The following FMN1 variants were observed in gnomAD, a reference collection of about 807,000 sequenced individuals.
FMN1 encodes the protein formin-1.
In FMN1, 110 loss-of-function variants were observed where a neutral mutation model predicts 132.4. That is an observed-to-expected ratio of 0.83 (90% CI 0.71 to 0.97). The LOEUF is 0.97. FMN1 is among the 50% of genes least tolerant of loss of function. The pLI, the probability that FMN1 is intolerant of heterozygous loss-of-function variation, is 0.00. For missense variants in FMN1, 1,792 were observed against 1,705.3 expected (o/e 1.05, Z -0.90); for synonymous variants, 722 against 651.7 (o/e 1.11, Z -1.64).
intron 6 of FMN1, among the ~76,000 whole-genome samples, chr15:33,052,459 T>C (rs2037020887): frequency 1.3e-5 from 2 of 152,110 alleles, no homozygotes; most frequent in African/African-American, 4.8e-5. Flanking sequence ...AGGAAAACAG[T>C]TACTTCACCT....
chr15:32,888,952 A>C (rs973942181), intron 15 of FMN1, among the ~76,000 whole-genome samples: 29 of 149,192 alleles, frequency 1.9e-4, no homozygotes, highest in African/African-American at 7.2e-4. Flanking sequence ...TTGACCTTCC[A>C]GGTCCAAGCG....
intron 17 of FMN1, among the ~76,000 whole-genome samples, chr15:32,848,131 T>G (rs948418457): frequency 9.2e-5 from 14 of 151,980 alleles, no homozygotes; most frequent in African/African-American, 3.4e-4. Context: ...AAAAAAAATA[T>G]GAGGAACAGG....
chr15:33,128,468 C>T (rs1475994977), intron 4 of FMN1, among the ~76,000 whole-genome samples: 1 of 152,174 alleles, frequency 6.6e-6, no homozygotes, highest in East Asian at 1.9e-4. Context: ...ATTGCAAGGT[C>T]CATTTATAAA....
intron 7 of FMN1, among the ~76,000 whole-genome samples, chr15:33,007,635 AACATACAG>A (rs1415767503): frequency 1.3e-5 from 2 of 152,184 alleles, no homozygotes; most frequent in African/African-American, 4.8e-5. Flanking sequence ...TGTGCTAAGA[AACATACAG>A]ACATGAACAC....
intron 6 of FMN1, among the ~76,000 whole-genome samples, chr15:33,044,504 T>C (rs1584956): frequency 6.6e-6 from 1 of 152,046 alleles, no homozygotes; most frequent in African/African-American, 2.4e-5. Flanking sequence ...AGGACAACCA[T>C]CTGTGGAGAG....
intron 19 of FMN1, among the ~76,000 whole-genome samples, chr15:32,796,300 C>T (rs537385041): frequency 4.6e-5 from 7 of 152,266 alleles, no homozygotes; most frequent in African/African-American, 1.4e-4. Flanking sequence ...TTTGAAAATG[C>T]TAGTACTGAT....
chr15:33,126,118 G>C (rs750223726), intron 4 of FMN1, among the ~76,000 whole-genome samples: 9 of 152,156 alleles, frequency 5.9e-5, no homozygotes, highest in Admixed American at 2.6e-4. Context: ...TTTTGCAGCT[G>C]TGGCTGCCAC....
chr15:32,809,435 A>C (rs2057796147), intron 17 of FMN1, among the ~76,000 whole-genome samples: 1 of 152,078 alleles, frequency 6.6e-6, no homozygotes, highest in Non-Finnish European at 1.5e-5. Flanking sequence ...CCCTCTGAAG[A>C]CAAAGTGCAT....
At chr15:33,019,677 G>C (rs1419009124) in intron 6 of FMN1, among the ~76,000 whole-genome samples, 2 of 152,326 alleles carry the variant, frequency 1.3e-5, no homozygotes, top group African/African-American at 4.8e-5. Context: ...CAGTGGGCCA[G>C]CACTGCTGGG....
At chr15:33,095,911 T>C (rs2039067538) in intron 4 of FMN1, among the ~76,000 whole-genome samples, 1 of 151,160 alleles carries the variant, frequency 6.6e-6, no homozygotes, top group African/African-American at 2.4e-5. Flanking sequence ...ATGAAATATA[T>C]AATAAATGAT....
intron 4 of FMN1, among the ~76,000 whole-genome samples, chr15:33,112,925 C>T (rs1027249876): frequency 2.0e-5 from 3 of 152,128 alleles, no homozygotes; most frequent in Non-Finnish European, 4.4e-5. Context: ...CCTAGGCAGT[C>T]CTGGTGTACT....
At chr15:33,063,038 T>A (rs999317843) in intron 6 of FMN1, 9 of 152,210 alleles carry the variant, frequency 5.9e-5, no homozygotes, top group African/African-American at 1.9e-4. Context: ...CACCAGCATG[T>A]CTGTGCAGAT....
chr15:33,030,740 A>C (rs1278182218), intron 6 of FMN1, among the ~76,000 whole-genome samples: 1 of 152,214 alleles, frequency 6.6e-6, no homozygotes, highest in Non-Finnish European at 1.5e-5. Flanking sequence ...TGTAAAACAC[A>C]TCCTAATTTC....
At chr15:33,127,861 C>G (rs1349026378) in intron 4 of FMN1, among the ~76,000 whole-genome samples, 4 of 152,126 alleles carry the variant, frequency 2.6e-5, no homozygotes, top group African/African-American at 9.7e-5. Context: ...AGAAGTGAGA[C>G]AGTGCTGTTT....
intron 16 of FMN1, among the ~76,000 whole-genome samples, chr15:32,876,175 C>G (rs1457434788): frequency 6.6e-6 from 1 of 152,218 alleles, no homozygotes; most frequent in African/African-American, 2.4e-5. Flanking sequence ...GAATCCTGAT[C>G]AAAAGCACTT....
Position 33,159,175 on chromosome 15 carries a change from C to G in FMN1, c.-131-4130G>C, listed in dbSNP as rs558236375. ...CCAGCGTGGGTGAAAGAGTGAGACT[C>G]TGTCTCTAAATAAATAAGTAAAAAT... On this transcript the variant is annotated intron_variant, in intron 3 of 20. Coordinates refer to ENST00000616417, the MANE Select transcript of FMN1 (RefSeq NM_001277313.2). 7.3e-4 allele frequency among the ~76,000 whole-genome samples: 111 copies of G among 152,234 alleles called. 1 individual carries two copies. The highest frequency in any genetic ancestry group is 1.1e-3 in the Non-Finnish European group (77 of 68,018).
intron 7 of FMN1, among the ~76,000 whole-genome samples, chr15:32,999,025 C>T (rs2033939995): frequency 6.6e-6 from 1 of 152,164 alleles, no homozygotes. Context: ...AATCTAGTAA[C>T]CTCACAACAT....
intron 6 of FMN1, among the ~76,000 whole-genome samples, chr15:33,057,980 G>GT (rs2141211376): frequency 6.6e-6 from 1 of 152,294 alleles, no homozygotes; most frequent in African/African-American, 2.4e-5. Context: ...CAAGTGAAAA[G>GT]TATGATGGGG....
intron 5 of FMN1, among the ~76,000 whole-genome samples, chr15:33,070,771 T>C (rs1191906240): frequency 6.6e-6 from 1 of 152,206 alleles, no homozygotes; most frequent in Non-Finnish European, 1.5e-5. Flanking sequence ...TCATCTAAGA[T>C]TTGAGGGTTG....
Sources: allele counts gnomAD v4.1 joint callset (sites outside exome capture counted in the v4.1 genomes callset), GRCh38; gene constraint gnomAD v4.1.1; transcripts MANE v1.5; gene names NCBI Gene and HGNC (gene_info 2026-07-23, HGNC 2026-07-21).